Variants in MLLT10 observed in about 807,000 individuals in gnomAD.
The protein encoded by MLLT10 is protein AF-10.
Under a neutral mutation model 129.1 loss-of-function variants are expected in MLLT10, and 30 were observed. The ratio of observed to expected loss-of-function variants is 0.23; its 90% confidence interval spans 0.17 to 0.32. The LOEUF (loss-of-function observed/expected upper bound fraction) is 0.32, where lower values mean the gene tolerates loss of function less well. Ranked by LOEUF, MLLT10 falls within the 10% of genes least tolerant of loss-of-function variation. The probability of loss-of-function intolerance (pLI) is 1.00; values close to 1 mark genes in which losing one functional copy is unlikely to be tolerated. For synonymous variants in MLLT10, 490 were observed against 446.4 expected, an observed-to-expected ratio of 1.10 and a Z score of -1.23; for missense variants, 1,119 against 1,268.3, an observed-to-expected ratio of 0.88 and a Z score of 1.79.
chr10:21,584,313 A>G (rs7922812), intron 3 of MLLT10, among the ~76,000 whole-genome samples: 89,594 of 151,554 alleles, frequency 0.59, 27,713 homozygotes, highest in African/African-American at 0.78. Context: ...ACAGGCACGC[A>G]CCACCACATC....
intron 3 of MLLT10, among the ~76,000 whole-genome samples, chr10:21,541,851 TTGTG>T (rs1300496401): frequency 1.3e-5 from 2 of 152,196 alleles, no homozygotes; most frequent in African/African-American, 4.8e-5. Flanking sequence ...TATGTTTTGG[TTGTG>T]TGTGAGAATG....
At chr10:21,584,812 A>G (rs1490467582) in intron 3 of MLLT10, among the ~76,000 whole-genome samples, 1 of 151,744 alleles carries the variant, frequency 6.6e-6, no homozygotes, top group Non-Finnish European at 1.5e-5. Context: ...GTGTGTTTAT[A>G]TACACATACA....
intron 13 of MLLT10, among the ~76,000 whole-genome samples, chr10:21,698,281 A>C (rs61851869): frequency 6.6e-6 from 1 of 152,204 alleles, no homozygotes; most frequent in Middle Eastern, 3.4e-3. Flanking sequence ...CATGACATCA[A>C]GTTTTTCAGG....
At chr10:21,630,642 G>C (rs754534987) in intron 8 of MLLT10, among the ~76,000 whole-genome samples, 15 of 152,216 alleles carry the variant, frequency 9.9e-5, no homozygotes, top group Non-Finnish European at 1.9e-4. Flanking sequence ...CTGTCAGAAT[G>C]GGGAACTTAG....
chr10:21,542,702 A>G (rs1195052369), intron 3 of MLLT10, among the ~76,000 whole-genome samples: 1 of 152,196 alleles, frequency 6.6e-6, no homozygotes, highest in Non-Finnish European at 1.5e-5. Context: ...CAGCCTGGAC[A>G]ACATAGTGAG....
At position 21,743,305 on chromosome 10, in the gene MLLT10, G is replaced by A. The variant is rs957351536; in HGVS notation, c.*1322G>A. On this transcript the variant is annotated 3_prime_UTR_variant, in exon 23 of 23. Transcript: ENST00000307729. Reference sequence around the variant, plus strand: ...TTCTTACCTCATTTCTGTAAATAAAGTTTTGTGAATCTGTTTTGTATTGTG... The same window carrying A: ...TTCTTACCTCATTTCTGTAAATAAAATTTTGTGAATCTGTTTTGTATTGTG... 4.5e-6 allele frequency: 1 copy of A among 223,262 alleles called. No individual in the cohort carries two copies. Among genetic ancestry groups the A allele is most frequent in the African/African-American group, 2.2e-5 (1 of 44,784 alleles). 13.8% of individuals were successfully genotyped at this position (223,262 alleles called of 1,614,324 possible). A position where few individuals can be genotyped will look rare whatever the true frequency, so the allele number is the denominator to read the frequency against.
chr10:21,603,112 G>C (rs1255123608), intron 5 of MLLT10, among the ~76,000 whole-genome samples: 2 of 150,504 alleles, frequency 1.3e-5, no homozygotes, highest in East Asian at 3.9e-4. Flanking sequence ...AAATGCAGTG[G>C]TGCGATCTTG....
chr10:21,605,602 G>T (rs2043983275), intron 5 of MLLT10, among the ~76,000 whole-genome samples: 1 of 151,942 alleles, frequency 6.6e-6, no homozygotes, highest in Admixed American at 6.6e-5. Flanking sequence ...ATGCCATCAT[G>T]CCTAAGTTTT....
At chr10:21,654,878 A>C (rs2049395989) in intron 9 of MLLT10, among the ~76,000 whole-genome samples, 1 of 152,136 alleles carries the variant, frequency 6.6e-6, no homozygotes, top group African/African-American at 2.4e-5. Context: ...GGTGAAATTA[A>C]GGGATTGTTG....
intron 13 of MLLT10, among the ~76,000 whole-genome samples, chr10:21,703,170 C>T (rs144287992): frequency 5.3e-5 from 8 of 152,146 alleles, no homozygotes; most frequent in Admixed American, 1.3e-4. Context: ...TTGAGCATTT[C>T]GTGTAGGGTG....
intron 14 of MLLT10, among the ~76,000 whole-genome samples, chr10:21,717,592 CTCTTCTTTCTTCCTCTTCT>C (rs1554864121): frequency 1.6e-5 from 2 of 124,836 alleles, no homozygotes; most frequent in Non-Finnish European, 3.3e-5. Context: ...CTTCCTCTTC[CTCTTCTTTCTTCCTCTTCT>C]TCCTCCTCTT....
At chr10:21,541,887 G>C (rs1236128406) in intron 3 of MLLT10, among the ~76,000 whole-genome samples, 4 of 152,164 alleles carry the variant, frequency 2.6e-5, no homozygotes, top group African/African-American at 4.8e-5. Context: ...AATTACAGCT[G>C]TTATTCTAGT....
At chr10:21,616,523 G>T (rs2045275033) in intron 7 of MLLT10, among the ~76,000 whole-genome samples, 1 of 152,038 alleles carries the variant, frequency 6.6e-6, no homozygotes, top group Admixed American at 6.5e-5. Flanking sequence ...ACAGAAATGT[G>T]TGATGCTTTT....
At chr10:21,545,986 A>C (rs1564380196) in intron 3 of MLLT10, among the ~76,000 whole-genome samples, 1 of 152,136 alleles carries the variant, frequency 6.6e-6, no homozygotes, top group Non-Finnish European at 1.5e-5. Context: ...TTTAGTGAGC[A>C]TTTGTTCTGA....
Position 21,713,835 on chromosome 10 carries a change from G to A in MLLT10, c.1763G>A (p.Ser588Asn). The A allele has an allele frequency of 6.2e-7, 1 of 1,614,056 alleles. No homozygotes were observed. The highest frequency in any genetic ancestry group is 8.5e-7 in the Non-Finnish European group (1 of 1,179,986). ...FPNVVSGSGSSTPVSSSHLPQ... is the reference protein window; with the variant it reads ...FPNVVSGSGSNTPVSSSHLPQ... Reference sequence around the variant, plus strand: ...AATGTAGTATCTGGCTCGGGATCTAGTACTCCTGTCTCCAGCTCTCACTTA... The same window carrying A: ...AATGTAGTATCTGGCTCGGGATCTAATACTCCTGTCTCCAGCTCTCACTTA... Residue 588 changes from serine to asparagine, a missense_variant, in exon 14 of 23, where the codon AGT (serine) becomes AAT (asparagine). Coordinates refer to ENST00000307729, the MANE Select transcript of MLLT10 (RefSeq NM_001195626.3).
At chr10:21,539,556 G>C (rs1290149384) in intron 3 of MLLT10, among the ~76,000 whole-genome samples, 1 of 149,616 alleles carries the variant, frequency 6.7e-6, no homozygotes, top group East Asian at 2.0e-4. Flanking sequence ...GGAGTATCTC[G>C]AGGTCAAAAG....
Position 21,686,947 on chromosome 10 carries a change from C to A in MLLT10, c.1699+4690C>A, listed in dbSNP as rs191580288. ...GCAGTGAGGTGAGATCGCGCCACTGCATTCCAGCCTAGGTGACAGAACAAG... is the reference window on the plus strand; with the variant it reads ...GCAGTGAGGTGAGATCGCGCCACTGAATTCCAGCCTAGGTGACAGAACAAG... On this transcript the variant is annotated intron_variant, in intron 13 of 22. Coordinates refer to ENST00000307729, the MANE Select transcript of MLLT10 (RefSeq NM_001195626.3). Among the ~76,000 whole-genome samples, 577 of 152,228 alleles carry A rather than the reference C, an allele frequency of 3.8e-3. 4 individuals are homozygous for A. The highest frequency in any genetic ancestry group is 0.013 in the African/African-American group (545 of 41,538).
At chr10:21,682,132 A>G (rs1369223129) in intron 12 of MLLT10, 93 bp from the exon 13 acceptor site, 3 of 1,030,016 alleles carry the variant, frequency 2.9e-6, no homozygotes, top group Admixed American at 5.3e-5. Context: ...ACTTACTGAA[A>G]TTTTATTATA....
chr10:21,737,964 A>C (rs1032458873), intron 21 of MLLT10, among the ~76,000 whole-genome samples: 13 of 152,054 alleles, frequency 8.5e-5, no homozygotes, highest in Admixed American at 7.9e-4. Flanking sequence ...ACTGCATGTA[A>C]GTGTATATAA....
Sources: gnomAD v4.1 joint callset for allele counts (sites outside exome capture counted in the v4.1 genomes callset) on GRCh38, gnomAD v4.1.1 for gene constraint, MANE v1.5 for transcripts, NCBI Gene and HGNC (gene_info 2026-07-23, HGNC 2026-07-21) for gene names.